Variants in ADAM12 observed in about 807,000 individuals in gnomAD.
ADAM12 encodes ADAM metallopeptidase domain 12, also known as disintegrin and metalloproteinase domain-containing protein 12.
A neutral mutation model predicts 106.4 loss-of-function variants in ADAM12; 70 were observed. The observed-to-expected ratio is 0.66, with a 90% confidence interval of 0.54 to 0.80. The LOEUF (loss-of-function observed/expected upper bound fraction) is 0.80. Ranked by LOEUF, ADAM12 falls within the 30% of genes least tolerant of loss-of-function variation. ADAM12 has a pLI of 0.00. For missense variants in ADAM12, 1,010 were observed against 1,171.9 expected (o/e 0.86, Z 2.02); for synonymous variants, 420 against 433.5 (o/e 0.97, Z 0.39).
intron 2 of ADAM12, among the ~76,000 whole-genome samples, chr10:126,281,034 A>G (rs1959553006): frequency 2.0e-5 from 3 of 152,186 alleles, no homozygotes; most frequent in Admixed American, 2.0e-4. Flanking sequence ...TTTCGAGTCC[A>G]TCACAGGGAC....
At position 126,126,408 on chromosome 10, in the gene ADAM12, G is replaced by T. The variant is rs1381924885; in HGVS notation, c.417-8184C>A. ...CAACATTTTATTAAATTGATATCTG[G>T]CTCCCTTTACACACCCAGGGAATAG... On this transcript the variant is annotated intron_variant, in intron 5 of 22. Transcript: ENST00000448723. Among the ~76,000 whole-genome samples the T allele has an allele frequency of 2.0e-5, 3 of 152,096 alleles. No homozygotes were observed. The East Asian group carries it at 5.8e-4, about 29-fold the overall frequency.
intron 3 of ADAM12, among the ~76,000 whole-genome samples, chr10:126,170,387 T>C (rs1284444968): frequency 6.7e-6 from 1 of 150,332 alleles, no homozygotes; most frequent in African/African-American, 2.5e-5. Context: ...GAGGCTACCA[T>C]GAAATGTGCC....
intron 10 of ADAM12, among the ~76,000 whole-genome samples, chr10:126,098,087 G>A (rs1056607253): frequency 1.3e-5 from 2 of 152,162 alleles, no homozygotes; most frequent in South Asian, 2.1e-4. Context: ...GCTGCATGAC[G>A]AGGGCAACCC....
intron 3 of ADAM12, among the ~76,000 whole-genome samples, chr10:126,158,274 A>G (rs62640382): frequency 0.013 from 682 of 51,446 alleles, 8 homozygotes; most frequent in African/African-American, 0.032. Context: ...ACAGGGAGAG[A>G]ATGCACAGAG....
intron 2 of ADAM12, among the ~76,000 whole-genome samples, chr10:126,304,628 A>T (rs186801135): frequency 1.3e-5 from 2 of 152,122 alleles, no homozygotes; most frequent in African/African-American, 4.8e-5. Context: ...GGACTTCAAA[A>T]TTTTAAAATT....
intron 16 of ADAM12, among the ~76,000 whole-genome samples, 161 bp from the exon 17 acceptor site, chr10:126,046,293 C>G (rs1201558732): frequency 6.6e-6 from 1 of 152,212 alleles, no homozygotes; most frequent in Non-Finnish European, 1.5e-5. Context: ...ACATTTTATA[C>G]TGGACTCAGG....
At chr10:126,382,044 G>A (rs1249396252) in intron 1 of ADAM12, among the ~76,000 whole-genome samples, 2 of 152,040 alleles carry the variant, frequency 1.3e-5, no homozygotes, top group Non-Finnish European at 2.9e-5. Context: ...AAAGGGGATG[G>A]ACAAGTTGTT....
chr10:126,046,801 CAAAAAAAAAAAA>C (rs60056450), intron 16 of ADAM12, among the ~76,000 whole-genome samples: 2 of 49,918 alleles, frequency 4.0e-5, no homozygotes, highest in African/African-American at 6.4e-5. Flanking sequence ...GATTCCGTCT[CAAAAAAAAAAAA>C]AAAAAAAAAA....
At position 126,237,331 on chromosome 10, in the gene ADAM12, TTATTC is replaced by T. The variant is rs149796367; in HGVS notation, c.260+41579_260+41583del. On this transcript the variant is annotated intron_variant, in intron 3 of 22. Coordinates refer to ENST00000448723, the MANE Select transcript of ADAM12 (RefSeq NM_001288973.2). ...AATAGGGAAATAGAGAGGACTTCTA[TTATTC>T]TATTCTATTCTATTCTATTATTCTC... Among the ~76,000 whole-genome samples the T allele has an allele frequency of 2.4e-3, 359 of 152,224 alleles. 2 individuals are homozygous for T. The highest frequency in any genetic ancestry group is 7.8e-3 in the African/African-American group (322 of 41,526).
intron 14 of ADAM12, among the ~76,000 whole-genome samples, chr10:126,056,074 C>T (rs1794477505): frequency 6.6e-6 from 1 of 152,226 alleles, no homozygotes; most frequent in African/African-American, 2.4e-5. Flanking sequence ...GTAAAACTGA[C>T]TCCACTCTGC....
chr10:126,044,324 C>T (rs1954259030), intron 17 of ADAM12, among the ~76,000 whole-genome samples: 1 of 150,002 alleles, frequency 6.7e-6, no homozygotes, highest in South Asian at 2.1e-4. Flanking sequence ...CCTTTGGGAA[C>T]ACTGGATTAA....
chr10:126,340,961 C>A (rs12354689), intron 1 of ADAM12, among the ~76,000 whole-genome samples: 44,051 of 151,852 alleles, frequency 0.29, 6,584 homozygotes, highest in African/African-American at 0.35. Flanking sequence ...GTGATCCACC[C>A]GCCTCAGCCT....
intron 3 of ADAM12, among the ~76,000 whole-genome samples, chr10:126,276,080 G>T (rs1283232421): frequency 6.6e-6 from 1 of 152,082 alleles, no homozygotes; most frequent in South Asian, 2.1e-4. Context: ...TTAAATTGTT[G>T]TATGGTATCC....
chr10:126,250,188 G>A (rs1252964376), intron 3 of ADAM12, among the ~76,000 whole-genome samples: 1 of 152,168 alleles, frequency 6.6e-6, no homozygotes, highest in Non-Finnish European at 1.5e-5. Context: ...CATAATCCCA[G>A]AGTATATAAA....
rs1245916852 is a variant in ADAM12, at chr10:126,012,395, C to T, written c.*4884G>A. The T allele has an allele frequency of 6.6e-6, 1 of 152,188 alleles. No homozygotes were observed. The highest frequency in any genetic ancestry group is 1.9e-4 in the East Asian group (1 of 5,198). The allele number at this position is 152,188 out of a possible 1,614,324, so 9.4% of individuals were successfully genotyped here. ...CAAATGAGAGACACATTGATATTTA[C>T]CTTTATACAATTTATTGGGTTTAAT... On this transcript the variant is annotated 3_prime_UTR_variant, in exon 23 of 23. Coordinates refer to ENST00000448723, the MANE Select transcript of ADAM12 (RefSeq NM_001288973.2).
intron 2 of ADAM12, among the ~76,000 whole-genome samples, chr10:126,329,129 T>A (rs1026426247): frequency 4.1e-5 from 6 of 145,608 alleles, no homozygotes; most frequent in Non-Finnish European, 3.0e-5. Flanking sequence ...AACAAATACT[T>A]AAAAAAAAAA....
chr10:126,307,779 T>C (rs917616227), intron 2 of ADAM12, among the ~76,000 whole-genome samples: 1 of 152,066 alleles, frequency 6.6e-6, no homozygotes, highest in African/African-American at 2.4e-5. Flanking sequence ...TTTTTGTAGA[T>C]ACAGAGTTTC....
chr10:126,029,327 A>G (rs7092146), intron 21 of ADAM12, among the ~76,000 whole-genome samples: 36,843 of 152,114 alleles, frequency 0.24, 4,840 homozygotes, highest in East Asian at 0.33. Context: ...TAGCAAAGAC[A>G]TGGAATCAAC....
Position 126,017,247 on chromosome 10 carries a change from T to C in ADAM12, c.*32A>G. 1 of 1,553,712 alleles carries C rather than the reference T, an allele frequency of 6.4e-7. No individual in the cohort carries two copies. Among genetic ancestry groups the C allele is most frequent in the East Asian group, 2.3e-5 (1 of 43,320 alleles). The stretch of plus-strand genomic sequence containing the variant: ...GGAGCTGAAAGATAGTGCAAACTTC[T>C]GTCTTCACTGTTGAAAAAAGGTGTC... On this transcript the variant is annotated 3_prime_UTR_variant, in exon 23 of 23. Transcript: ENST00000448723.
Sources: allele counts gnomAD v4.1 joint callset (sites outside exome capture counted in the v4.1 genomes callset), GRCh38; gene constraint gnomAD v4.1.1; transcripts MANE v1.5; gene names NCBI Gene and HGNC (gene_info 2026-07-23, HGNC 2026-07-21).